The following ARHGAP35 variants were observed in gnomAD, a reference collection of about 807,000 sequenced individuals.
The protein encoded by ARHGAP35 is rho GTPase-activating protein 35.
Under a neutral mutation model 111.1 loss-of-function variants are expected in ARHGAP35, and 15 were observed. The observed-to-expected ratio is 0.13, with a 90% CI of 0.09 to 0.21. The LOEUF is 0.21. ARHGAP35 is among the 10% of genes least tolerant of loss of function. The probability of loss-of-function intolerance (pLI) is 1.00; values close to 1 mark genes in which losing one functional copy is unlikely to be tolerated. For missense variants in ARHGAP35, 1,262 were observed against 1,873.0 expected (o/e 0.67, Z 6.02); for synonymous variants, 643 against 710.3 (o/e 0.91, Z 1.51).
chr19:46,982,152 A>G lies in ARHGAP35; in HGVS notation c.3827-5837A>G, dbSNP rs192334556. ...CGGGAACCATCACGCCTGCCCTGCC[A>G]AAGTATTTTTGTGGAAGACCAAGAC... On this transcript the variant is annotated intron_variant, in intron 3 of 6. Transcript: ENST00000672722. 5.0e-4 allele frequency among the ~76,000 whole-genome samples: 75 copies of G among 148,670 alleles called. No individual in the cohort carries two copies. The East Asian group carries it at 6.3e-3, about 12-fold the overall frequency.
At chr19:46,932,082 G>T (rs931363034) in intron 2 of ARHGAP35, among the ~76,000 whole-genome samples, 1 of 152,194 alleles carries the variant, frequency 6.6e-6, no homozygotes, top group Non-Finnish European at 1.5e-5. Flanking sequence ...AGGAGTTCAA[G>T]AACAGCCTGG....
intron 3 of ARHGAP35, among the ~76,000 whole-genome samples, chr19:46,985,452 G>A (rs919126768): frequency 5.9e-5 from 9 of 152,196 alleles, no homozygotes; most frequent in Non-Finnish European, 1.3e-4. Flanking sequence ...CACTAAGGAG[G>A]CAGGACAGTG....
At chr19:46,957,178 G>C (rs941952610) in intron 3 of ARHGAP35, among the ~76,000 whole-genome samples, 3 of 151,764 alleles carry the variant, frequency 2.0e-5, no homozygotes, top group African/African-American at 7.3e-5. Context: ...AGCCAGAATG[G>C]TCTCAAACTC....
At chr19:46,891,617 G>GAGTT (rs2056024340) in intron 1 of ARHGAP35, among the ~76,000 whole-genome samples, 1 of 151,884 alleles carries the variant, frequency 6.6e-6, no homozygotes, top group Non-Finnish European at 1.5e-5. Flanking sequence ...AGTAGAGACG[G>GAGTT]AGTTTCACCA....
intron 1 of ARHGAP35, among the ~76,000 whole-genome samples, chr19:46,888,319 A>T (rs570018787): frequency 5.5e-4 from 28 of 51,170 alleles, no homozygotes; most frequent in Admixed American, 9.8e-4. Flanking sequence ...TATATATATA[A>T]AATATTGATT....
chr19:46,939,624 G>C lies in ARHGAP35; in HGVS notation c.3826+2216G>C, dbSNP rs147831668. Among the ~76,000 whole-genome samples, 1,464 of 151,302 alleles carry C rather than the reference G, an allele frequency of 9.7e-3. 20 individuals carry two copies. Among genetic ancestry groups the C allele is most frequent in the African/African-American group, 0.031 (1,298 of 41,256 alleles). On this transcript the variant is annotated intron_variant, in intron 3 of 6. Transcript: ENST00000672722. ...GATGGAGTTTCACCATGTTGGCCAG[G>C]CTCGTCTCAAACTCCTGACCTCAAG...
chr19:47,001,673 T>C lies in ARHGAP35; in HGVS notation c.*985T>C. ...GGAGATGGCAGTGCAGGCTGGAACCTGGGCTGCCCCAGAACACAGTCCATT... is the reference window on the plus strand; with the variant it reads ...GGAGATGGCAGTGCAGGCTGGAACCCGGGCTGCCCCAGAACACAGTCCATT... On this transcript the variant is annotated 3_prime_UTR_variant, in exon 7 of 7. Coordinates refer to ENST00000672722, the MANE Select transcript of ARHGAP35 (RefSeq NM_004491.5). The surrounding 1 kb of genome is among the most constrained non-coding windows in gnomAD (Gnocchi z 5.4). 2.8e-6 allele frequency: 1 copy of C among 352,704 alleles called. No individual in the cohort carries two copies. The highest frequency in any genetic ancestry group is 2.2e-5 in the South Asian group (1 of 45,044). 21.8% of individuals were successfully genotyped at this position (352,704 alleles called of 1,614,324 possible).
chr19:46,979,774 G>GA (rs1229693315), intron 3 of ARHGAP35, among the ~76,000 whole-genome samples: 1 of 152,182 alleles, frequency 6.6e-6, no homozygotes, highest in African/African-American at 2.4e-5. Context: ...CATCGTAATA[G>GA]AGTGTTAGTG....
chr19:46,953,728 A>T (rs146035046), intron 3 of ARHGAP35, among the ~76,000 whole-genome samples: 186 of 152,086 alleles, frequency 1.2e-3, no homozygotes, highest in African/African-American at 4.1e-3. Context: ...AGAGTAGCAC[A>T]CTCCAGTGTG....
rs769911452 is a variant in ARHGAP35 at position 46,919,840 on chromosome 19, G to A, written c.1165G>A (p.Asp389Asn). ...TGTTGTGCTTGAAGAGACCCCATGG[G>A]ATGCCACCAGTCACATTGACAACAT... is the stretch of plus-strand genomic sequence containing the variant. ...WFVVLEETPW[D>N]ATSHIDNMEN... Residue 389 changes from aspartate (D) to asparagine (N), a missense_variant, in exon 2 of 7, where the codon GAT (aspartate) becomes AAT (asparagine). Physicochemically the swap from Asp to Asn is conservative, Grantham distance 23. Transcript: ENST00000672722. The surrounding 1 kb of genome is among the most constrained non-coding windows in gnomAD (Gnocchi z 6.2). 1 of 1,614,010 alleles carries A rather than the reference G, an allele frequency of 6.2e-7. No homozygotes were observed. Among genetic ancestry groups the A allele is most frequent in the Non-Finnish European group, 8.5e-7 (1 of 1,179,898 alleles).
chr19:46,958,301 G>A (rs2056453459), intron 3 of ARHGAP35, among the ~76,000 whole-genome samples: 1 of 150,998 alleles, frequency 6.6e-6, no homozygotes, highest in Non-Finnish European at 1.5e-5. Context: ...GGAGAATGGC[G>A]TCAACCCAGG....
intron 1 of ARHGAP35, among the ~76,000 whole-genome samples, chr19:46,893,158 G>A (rs996657894): frequency 2.6e-5 from 4 of 152,082 alleles, no homozygotes; most frequent in African/African-American, 7.2e-5. Flanking sequence ...TGAATTCTGC[G>A]GGGGAGCTTG....
intron 1 of ARHGAP35, among the ~76,000 whole-genome samples, chr19:46,897,058 T>TA (rs1181414416): frequency 2.8e-5 from 4 of 141,748 alleles, no homozygotes; most frequent in Admixed American, 2.1e-4. Context: ...CACACCTGGC[T>TA]AATTTTTTTT....
chr19:46,978,384 T>A (rs2056590419), intron 3 of ARHGAP35, among the ~76,000 whole-genome samples: 1 of 152,208 alleles, frequency 6.6e-6, no homozygotes, highest in East Asian at 1.9e-4. Context: ...TTGGGAGGAA[T>A]CTGCTTGTAA....
intron 3 of ARHGAP35, among the ~76,000 whole-genome samples, chr19:46,955,955 A>G (rs1386807019): frequency 6.6e-6 from 1 of 152,114 alleles, no homozygotes; most frequent in Non-Finnish European, 1.5e-5. Context: ...AAATGCCCCA[A>G]ATCTGAACAT....
chr19:46,870,522 T>C (rs2055882286), intron 1 of ARHGAP35, among the ~76,000 whole-genome samples: 2 of 151,520 alleles, frequency 1.3e-5, no homozygotes, highest in Admixed American at 1.3e-4. Flanking sequence ...GAGCTTGCAG[T>C]GAGCCGAGGT....
chr19:46,907,547 C>T (rs927941439), intron 1 of ARHGAP35, among the ~76,000 whole-genome samples: 2 of 151,682 alleles, frequency 1.3e-5, no homozygotes, highest in Non-Finnish European at 2.9e-5. Context: ...GGCGCGAACT[C>T]GGCTCACTGC....
intron 1 of ARHGAP35, among the ~76,000 whole-genome samples, chr19:46,912,334 G>A (rs1306339020): frequency 6.6e-6 from 1 of 151,052 alleles, no homozygotes; most frequent in Non-Finnish European, 1.5e-5. Context: ...ATGAGTCACC[G>A]TGCCCGGCCA....
Position 46,992,324 on chromosome 19 carries a change from C to T in ARHGAP35, c.4036+2649C>T, listed in dbSNP as rs899143987. Among the ~76,000 whole-genome samples, 4 of 152,134 alleles carry T rather than the reference C, an allele frequency of 2.6e-5. No individual in the cohort carries two copies. The highest frequency in any genetic ancestry group is 5.9e-5 in the Non-Finnish European group (4 of 68,022). ...AAGCCGGGGCTTGAGTCCCTGCGTA[C>T]GTGGGTGCAAATGAAGTTCTCTGAA... is the stretch of plus-strand genomic sequence containing the variant. On this transcript the variant is annotated intron_variant, in intron 5 of 6. Transcript: ENST00000672722. The surrounding 1 kb of genome is among the most constrained non-coding windows in gnomAD (Gnocchi z 4.4).
Sources: gnomAD v4.1 joint callset for allele counts (sites outside exome capture counted in the v4.1 genomes callset) on GRCh38, gnomAD v4.1.1 for gene constraint, Gnocchi (gnomAD v3.1) non-coding constraint, MANE v1.5 for transcripts, NCBI Gene and HGNC (gene_info 2026-07-23, HGNC 2026-07-21) for gene names.